The following SRGAP3 variants were observed in gnomAD, a reference collection of about 807,000 sequenced individuals.
The protein encoded by SRGAP3 is SLIT-ROBO Rho GTPase activating protein 3, also known as SLIT-ROBO Rho GTPase-activating protein 3.
SRGAP3 carries 39 observed loss-of-function variants against 121.1 expected under a neutral mutation model. That is an observed-to-expected ratio of 0.32 (90% confidence interval 0.25 to 0.42). The LOEUF is 0.42. Ranked by LOEUF, SRGAP3 falls within the 10% of genes least tolerant of loss-of-function variation. The probability of loss-of-function intolerance (pLI) is 1.00; values close to 1 mark genes in which losing one functional copy is unlikely to be tolerated. For missense variants in SRGAP3, 1,213 were observed against 1,470.6 expected, an observed-to-expected ratio of 0.82 and a Z score of 2.86; for synonymous variants, 601 against 570.0, an observed-to-expected ratio of 1.05 and a Z score of -0.77.
At chr3:9,283,694 T>TA (rs869273028) in intron 3 of SRGAP3, among the ~76,000 whole-genome samples, 4 of 151,562 alleles carry the variant, frequency 2.6e-5, no homozygotes, top group African/African-American at 7.3e-5. Flanking sequence ...ATAATTTTTT[T>TA]AAAAAAAAGA....
chr3:9,161,342 C>T (rs949484601), intron 1 of SRGAP3, among the ~76,000 whole-genome samples: 1 of 152,220 alleles, frequency 6.6e-6, no homozygotes, highest in Non-Finnish European at 1.5e-5. Flanking sequence ...TCTTGCTCAT[C>T]GCTTTATCCC....
chr3:9,087,078 ATGTATATG>A (rs1947534919), intron 3 of SRGAP3, among the ~76,000 whole-genome samples: 1 of 151,976 alleles, frequency 6.6e-6, no homozygotes, highest in African/African-American at 2.4e-5. Context: ...TACACATTAT[ATGTATATG>A]TGTATATATG....
chr3:8,985,370 C>T lies in SRGAP3; in HGVS notation c.*149G>A. The T allele has an allele frequency of 1.4e-6, 2 of 1,423,118 alleles. No homozygotes were observed. Among genetic ancestry groups the T allele is most frequent in the Non-Finnish European group, 1.8e-6 (2 of 1,088,802 alleles). The allele number at this position is 1,423,118 out of a possible 1,614,324, so 88.2% of individuals were successfully genotyped here. A position where few individuals can be genotyped will look rare whatever the true frequency, so the allele number is the denominator to read the frequency against. ...GCTGGACGTGAGCTGCAGCCAGCGC[C>T]CGGGCCTCAGCTCTGCACAGACACA... On this transcript the variant is annotated 3_prime_UTR_variant, in exon 22 of 22. Transcript: ENST00000383836. This position sits in a 1 kb window ranked among gnomAD's most constrained non-coding sequence, Gnocchi z 5.1.
chr3:9,221,523 C>G (rs1952813273), intron 1 of SRGAP3, among the ~76,000 whole-genome samples: 1 of 152,028 alleles, frequency 6.6e-6, no homozygotes, highest in Non-Finnish European at 1.5e-5. Flanking sequence ...GGCAACAGAG[C>G]AAGGCCCTAT....
chr3:9,071,425 G>C (rs1372213071), intron 4 of SRGAP3, among the ~76,000 whole-genome samples: 1 of 152,182 alleles, frequency 6.6e-6, no homozygotes, highest in African/African-American at 2.4e-5. Flanking sequence ...GCCATAGGAA[G>C]CTCAGCTAGG....
At chr3:9,026,125 AC>A (rs1461545040) in intron 13 of SRGAP3, among the ~76,000 whole-genome samples, 1 of 151,774 alleles carries the variant, frequency 6.6e-6, no homozygotes, top group Non-Finnish European at 1.5e-5. Context: ...CATTCTCTCC[AC>A]CTGGACTGCA....
At chr3:9,077,628 G>A (rs1947033070) in intron 4 of SRGAP3, among the ~76,000 whole-genome samples, 1 of 152,168 alleles carries the variant, frequency 6.6e-6, no homozygotes, top group Non-Finnish European at 1.5e-5. Flanking sequence ...GTCCTGTTGG[G>A]GCCTCAGCCA....
intron 3 of SRGAP3, among the ~76,000 whole-genome samples, chr3:9,314,861 C>T (rs1370854402): frequency 1.3e-5 from 2 of 152,138 alleles, no homozygotes; most frequent in Non-Finnish European, 2.9e-5. Flanking sequence ...GGCACTGGAG[C>T]CCGGGTTCTG....
rs199858721 is a variant in SRGAP3, at chr3:8,994,330, C to T, written c.2408+13G>A. ...ATTTCGGCATTCTTCACAGAATTCT[C>T]GACTCCACTCACATGTCCTGTACAA... is the stretch of plus-strand genomic sequence containing the variant. On this transcript the variant is annotated intron_variant, in intron 19 of 21. Coordinates refer to ENST00000383836, the MANE Select transcript of SRGAP3 (RefSeq NM_014850.4). 95 of 1,613,866 alleles carry T rather than the reference C, an allele frequency of 5.9e-5. No homozygotes were observed. In the African/African-American group the frequency reaches 1.1e-3, roughly 19 times the overall value.
chr3:8,994,440 G>A lies in SRGAP3; in HGVS notation c.2311C>T (p.Leu771=). ...TCCGAGGCGCGGTGGTACAGGAGCA[G>A]CGAGGCCCCCTTCTTGAAGGATAGC... is the stretch of plus-strand genomic sequence containing the variant. The part of the protein sequence containing the change: ...RELSFKKGAS[L]LLYHRASEDW... The change falls in exon 19 of 22, where the codon CTG becomes TTG. Residue 771 remains leucine (L), a synonymous_variant. Coordinates refer to ENST00000383836, the MANE Select transcript of SRGAP3 (RefSeq NM_014850.4). 6.2e-7 allele frequency: 1 copy of A among 1,614,212 alleles called. No homozygotes were observed. The highest frequency in any genetic ancestry group is 8.5e-7 in the Non-Finnish European group (1 of 1,180,050).
intron 1 of SRGAP3, among the ~76,000 whole-genome samples, chr3:9,357,878 T>A (rs1226788038): frequency 1.3e-5 from 2 of 152,028 alleles, no homozygotes; most frequent in African/African-American, 4.8e-5. Context: ...TGAAATTTTT[T>A]TTTTTTTCTT....
rs555481136 is a variant in SRGAP3, at chr3:9,344,557, C to T, written n.215-13961G>A. Among the ~76,000 whole-genome samples the T allele has an allele frequency of 7.3e-5, 11 of 151,384 alleles. No homozygotes were observed. In the South Asian group the frequency reaches 1.5e-3, roughly 20 times the overall value. On this transcript the variant is annotated intron_variant and non_coding_transcript_variant, in intron 1 of 3. Coordinates refer to the SRGAP3 transcript ENST00000490889. ...CTGAGGCAGGAGAATTGCTTGGAGCCGGGAGGCGGAGGTTGCAGTGAGCCG... is the reference window on the plus strand; with the variant it reads ...CTGAGGCAGGAGAATTGCTTGGAGCTGGGAGGCGGAGGTTGCAGTGAGCCG...
intron 1 of SRGAP3, among the ~76,000 whole-genome samples, chr3:9,208,689 C>T (rs1233519872): frequency 2.0e-5 from 3 of 152,182 alleles, no homozygotes; most frequent in Non-Finnish European, 4.4e-5. Flanking sequence ...GCTAGGCCAA[C>T]TCATCCAATG....
intron 9 of SRGAP3, chr3:9,049,181 A>G (rs1945433571): frequency 3.1e-6 from 1 of 322,186 alleles, no homozygotes; most frequent in Non-Finnish European, 6.2e-6. Context: ...CTTCCCATTG[A>G]CAGCTATGGG....
intron 1 of SRGAP3, among the ~76,000 whole-genome samples, chr3:9,201,038 AG>A (rs1952052927): frequency 6.6e-6 from 1 of 152,230 alleles, no homozygotes; most frequent in Non-Finnish European, 1.5e-5. Flanking sequence ...AGCCAATTCC[AG>A]AGGCCTCCCT....
At chr3:9,085,299 T>G (rs1340065851) in intron 3 of SRGAP3, among the ~76,000 whole-genome samples, 1 of 152,218 alleles carries the variant, frequency 6.6e-6, no homozygotes. Flanking sequence ...TCTTCCTGTC[T>G]CAACTCAGAC....
intron 1 of SRGAP3, among the ~76,000 whole-genome samples, chr3:9,136,427 C>A (rs1270828667): frequency 6.6e-6 from 1 of 151,778 alleles, no homozygotes; most frequent in Non-Finnish European, 1.5e-5. Flanking sequence ...CGCCCCGCCC[C>A]GCGCGCCACG....
chr3:9,094,869 C>T (rs1176627892), intron 3 of SRGAP3, among the ~76,000 whole-genome samples: 1 of 152,082 alleles, frequency 6.6e-6, no homozygotes, highest in Admixed American at 6.6e-5. Flanking sequence ...GATCCTCCCA[C>T]CTCAGCCTCC....
At chr3:8,999,905 C>G (rs1255371939) in intron 18 of SRGAP3, among the ~76,000 whole-genome samples, 2 of 152,122 alleles carry the variant, frequency 1.3e-5, no homozygotes, top group Non-Finnish European at 2.9e-5. Flanking sequence ...ATATTTCAAG[C>G]CCCTGGAAAT....
Sources: gnomAD v4.1 joint callset for allele counts (sites outside exome capture counted in the v4.1 genomes callset) on GRCh38, gnomAD v4.1.1 for gene constraint, Gnocchi (gnomAD v3.1) non-coding constraint, MANE v1.5 for transcripts, NCBI Gene and HGNC (gene_info 2026-07-23, HGNC 2026-07-21) for gene names.